The following STAG3 variants were observed in gnomAD, a reference collection of about 807,000 sequenced individuals.
STAG3 encodes cohesin subunit SA-3.
Under a neutral mutation model 160.7 loss-of-function variants are expected in STAG3, and 101 were observed. The observed-to-expected ratio is 0.63, with a 90% CI of 0.54 to 0.74. STAG3 has a LOEUF of 0.74. Among genes scored for constraint, STAG3 ranks in the 30% least tolerant of loss-of-function variants. The pLI is 0.00. For missense variants in STAG3, 1,188 were observed against 1,517.4 expected (o/e 0.78, Z 3.61); for synonymous variants, 519 against 585.0 (o/e 0.89, Z 1.63).
rs914180049 is a variant in STAG3 at position 100,207,254 on chromosome 7, C to T, written c.3238+1870C>T. On this transcript the variant is annotated intron_variant, in intron 29 of 33. Coordinates refer to ENST00000615138, the MANE Select transcript of STAG3 (RefSeq NM_001282717.2). This position sits in a 1 kb window ranked among gnomAD's most constrained non-coding sequence, Gnocchi z 4.0. ...ATACCTGGGAGTGGAATTGCTGGTT[C>T]GTATGGCAATTCTATGTTTAAGTTT... Among the ~76,000 whole-genome samples the T allele has an allele frequency of 2.0e-5, 3 of 152,128 alleles. No individual in the cohort carries two copies. Among genetic ancestry groups the T allele is most frequent in the South Asian group, 4.1e-4 (2 of 4,830 alleles).
At chr7:100,199,499 C>T in intron 15 of STAG3, 42 bp from the exon 16 acceptor site, 1 of 1,572,328 alleles carries the variant, frequency 6.4e-7, no homozygotes, top group East Asian at 2.3e-5. Flanking sequence ...TGGAAGGTGG[C>T]TAATCTTTGA....
intron 6 of STAG3, 61 bp from the exon 7 acceptor site, chr7:100,188,751 C>G (rs1287701203): frequency 1.4e-5 from 22 of 1,538,048 alleles, no homozygotes; most frequent in Non-Finnish European, 1.8e-5. Context: ...GACATCCAAG[C>G]CCCTATGACT....
chr7:100,196,571 C>A (rs181857996), intron 9 of STAG3, among the ~76,000 whole-genome samples: 118 of 152,326 alleles, frequency 7.7e-4, no homozygotes, highest in African/African-American at 2.7e-3. Context: ...ACAGGCAGAT[C>A]ACTTGAGGTC....
At chr7:100,197,086 A>G (rs1800736275) in intron 9 of STAG3, 70 bp from the exon 10 acceptor site, 1 of 1,581,174 alleles carries the variant, frequency 6.3e-7, no homozygotes, top group Admixed American at 1.7e-5. Flanking sequence ...AGAGGGAGTT[A>G]TCTGGTAGGA....
At chr7:100,211,233 C>G in intron 30 of STAG3, 48 bp downstream of exon 30, 1 of 1,532,062 alleles carries the variant, frequency 6.5e-7, no homozygotes. Flanking sequence ...AGTTTGGTGT[C>G]TGGCTGCCTC....
chr7:100,188,475 CAAG>C lies in STAG3; in HGVS notation c.461_463del (p.Lys154del). The C allele has an allele frequency of 1.9e-6, 3 of 1,613,456 alleles. No individual in the cohort carries two copies. Among genetic ancestry groups the C allele is most frequent in the Non-Finnish European group, 2.5e-6 (3 of 1,179,382 alleles). On this transcript the variant is annotated inframe_deletion, in exon 6 of 34. Coordinates refer to ENST00000615138, the MANE Select transcript of STAG3 (RefSeq NM_001282717.2). ...TAGGCATTGTGACCCCTGAGATGTT[CAAG>C]AAGATGTCCAACTCAGAGATCATCC...
At position 100,199,535 on chromosome 7, in the gene STAG3, C is replaced by T. The variant is rs1299420732; in HGVS notation, c.1574-6C>T. ...TTCTATGTTTTTGATCCTCCTGGCA[C>T]TCCAGACCTGGGTGATGTGCAGGAG... On this transcript the variant is annotated splice_region_variant and splice_polypyrimidine_tract_variant and intron_variant, in intron 15 of 33. Transcript: ENST00000615138. The T allele has an allele frequency of 1.9e-6, 3 of 1,598,940 alleles. No individual in the cohort carries two copies. Among genetic ancestry groups the T allele is most frequent in the Non-Finnish European group, 1.7e-6 (2 of 1,172,548 alleles).
downstream of STAG3, among the ~76,000 whole-genome samples, chr7:100,215,351 C>G (rs1802666658): frequency 6.6e-6 from 1 of 152,184 alleles, no homozygotes; most frequent in South Asian, 2.1e-4. Context: ...TCCCCGCCCC[C>G]ACCTGCCCCT....
Position 100,200,861 on chromosome 7 carries a change from G to A in STAG3, c.1953G>A (p.Leu651=). 1.9e-6 allele frequency: 3 copies of A among 1,614,198 alleles called. No individual in the cohort carries two copies. Among genetic ancestry groups the A allele is most frequent in the Non-Finnish European group, 2.5e-6 (3 of 1,180,044 alleles). ...VLEAGAHALY[L]LCNPEFTFFS... The stretch of plus-strand genomic sequence containing the variant: ...AGGCTGGGGCGCATGCCCTCTACCT[G>A]CTCTGTAATCCCGAATTCACTTTCT... Residue 651 remains leucine, a synonymous_variant, in exon 19 of 34, where the codon CTG becomes CTA. Transcript: ENST00000615138.
At chr7:100,180,888 T>G in intron 2 of STAG3, 1 of 388,092 alleles carries the variant, frequency 2.6e-6, no homozygotes, top group Non-Finnish European at 4.7e-6. Flanking sequence ...CTGTTTTTTT[T>G]TTTTTTTTTG....
chr7:100,205,394 T>C lies in STAG3; in HGVS notation c.3238+10T>C, dbSNP rs1448517694. ...AGGAGGCGCGTTGAAGGTAGGGTGCTGTGTGTGGGTATGGGGGTGCCCAGC... is the reference window on the plus strand; with the variant it reads ...AGGAGGCGCGTTGAAGGTAGGGTGCCGTGTGTGGGTATGGGGGTGCCCAGC... On this transcript the variant is annotated intron_variant, in intron 29 of 33. Coordinates refer to ENST00000615138, the MANE Select transcript of STAG3 (RefSeq NM_001282717.2). 1 of 1,606,642 alleles carries C rather than the reference T, an allele frequency of 6.2e-7. No individual in the cohort carries two copies. The highest frequency in any genetic ancestry group is 2.2e-5 in the East Asian group (1 of 44,780).
At position 100,211,094 on chromosome 7, in the gene STAG3, C is replaced by T. The variant is rs1563006946; in HGVS notation, c.3322C>T (p.Leu1108Phe). ...QLNSIPPTPT[L>F]TSTAVKSRQP... is the part of the protein sequence containing the mutation. ...GAACAGCATCCCGCCCACGCCCACCCTCACCTCCACAGCTGTGAAGAGCAG... is the reference window on the plus strand; with the variant it reads ...GAACAGCATCCCGCCCACGCCCACCTTCACCTCCACAGCTGTGAAGAGCAG... Residue 1108 changes from leucine (L) to phenylalanine (F), a missense_variant, in exon 30 of 34, where the codon CTC becomes TTC. Physicochemically the swap from Leu to Phe is conservative, Grantham distance 22 (BLOSUM62 0). Coordinates refer to ENST00000615138, the MANE Select transcript of STAG3 (RefSeq NM_001282717.2). 6.2e-7 allele frequency: 1 copy of T among 1,613,234 alleles called. No individual in the cohort carries two copies. The highest frequency in any genetic ancestry group is 8.5e-7 in the Non-Finnish European group (1 of 1,179,502).
intron 29 of STAG3, among the ~76,000 whole-genome samples, chr7:100,210,448 TTCATA>T: frequency 6.6e-6 from 1 of 152,344 alleles, no homozygotes. Flanking sequence ...TAAGTCCCCC[TTCATA>T]TCATATCAGT....
In STAG3 at chr7:100,200,822, G is replaced by C; in HGVS notation, c.1914G>C (p.Glu638Asp). The change falls in exon 19 of 34, where the codon GAG becomes GAC. Residue 638 changes from glutamate (E) to aspartate (D), a missense_variant. Coordinates refer to ENST00000615138, the MANE Select transcript of STAG3 (RefSeq NM_001282717.2). ...AGGAGGTGGTGGTGAAGCATGCAGA[G>C]CCAGCGGTGCTTGAGGCTGGGGCGC... ...QLQEVVVKHA[E>D]PAVLEAGAHA... The C allele has an allele frequency of 6.2e-7, 1 of 1,614,254 alleles. No homozygotes were observed. Among genetic ancestry groups the C allele is most frequent in the South Asian group, 1.1e-5 (1 of 91,088 alleles).
In STAG3 at chr7:100,189,428, T is replaced by C. The variant is rs1162289160; in HGVS notation, c.716-17T>C. 1.9e-6 allele frequency: 3 copies of C among 1,607,180 alleles called. No homozygotes were observed. Among genetic ancestry groups the C allele is most frequent in the Non-Finnish European group, 2.5e-6 (3 of 1,177,696 alleles). The stretch of plus-strand genomic sequence containing the variant: ...ACCTCAGTAATGATTTCTTTATCTC[T>C]TTTTCCTTTCTCAAAGCTATGAAAC... On this transcript the variant is annotated splice_polypyrimidine_tract_variant and intron_variant, in intron 7 of 33. Coordinates refer to ENST00000615138, the MANE Select transcript of STAG3 (RefSeq NM_001282717.2).
At chr7:100,208,514 T>C (rs1173500999) in intron 29 of STAG3, among the ~76,000 whole-genome samples, 1 of 152,158 alleles carries the variant, frequency 6.6e-6, no homozygotes, top group African/African-American at 2.4e-5. Flanking sequence ...TTGCTGGAGC[T>C]TAAAAAATAA....
Position 100,205,260 on chromosome 7 carries a change from C to A in STAG3, c.3114C>A (p.Val1038=), listed in dbSNP as rs1187887193. 1.9e-6 allele frequency: 3 copies of A among 1,613,990 alleles called. No individual in the cohort carries two copies. The highest frequency in any genetic ancestry group is 1.3e-5 in the African/African-American group (1 of 74,908). ...LSYLEKCLQH[V]SQAPGHPWGP... ...ATCTAGAAAAGTGCCTGCAGCATGT[C>A]TCCCAGGCACCTGGCCATCCCTGGG... The change falls in exon 29 of 34, where the codon GTC becomes GTA. Residue 1038 remains valine, a synonymous_variant. Transcript: ENST00000615138.
chr7:100,195,626 T>G (rs2117231375), intron 9 of STAG3, among the ~76,000 whole-genome samples: 1 of 152,328 alleles, frequency 6.6e-6, no homozygotes, highest in South Asian at 2.1e-4. Context: ...CTGAGTATTT[T>G]CCTGCTCTGG....
At chr7:100,180,068 G>C (rs763650701) in intron 1 of STAG3, among the ~76,000 whole-genome samples, 1 of 150,164 alleles carries the variant, frequency 6.7e-6, no homozygotes, top group East Asian at 2.0e-4. Flanking sequence ...TTTTTTTGAG[G>C]GGGGACAGGG....
Sources: allele counts gnomAD v4.1 joint callset (sites outside exome capture counted in the v4.1 genomes callset), GRCh38; gene constraint gnomAD v4.1.1; non-coding constraint Gnocchi (gnomAD v3.1); transcripts MANE v1.5; gene names NCBI Gene and HGNC (gene_info 2026-07-23, HGNC 2026-07-21).